PARD3B: variants seen among roughly 807,000 people sequenced by gnomAD.
PARD3B encodes partitioning defective 3 homolog B.
In PARD3B, 103 loss-of-function variants were observed where a neutral mutation model predicts 130.2. That is an observed-to-expected ratio of 0.79 (90% CI 0.67 to 0.93). The LOEUF (loss-of-function observed/expected upper bound fraction) is 0.93, where lower values mean the gene tolerates loss of function less well. Among genes scored for constraint, PARD3B ranks in the 40% least tolerant of loss-of-function variants. The pLI, the probability that PARD3B is intolerant of heterozygous loss-of-function variation, is 0.00. For synonymous variants in PARD3B, 583 were observed against 553.2 expected (o/e 1.05, Z -0.76); for missense variants, 1,609 against 1,499.2 (o/e 1.07, Z -1.21).
intron 2 of PARD3B, among the ~76,000 whole-genome samples, chr2:204,810,734 A>G (rs554556369): frequency 4.6e-5 from 7 of 151,994 alleles, no homozygotes; most frequent in Non-Finnish European, 1.0e-4. Context: ...GGATTTTTAC[A>G]TCAATGCTTA....
intron 18 of PARD3B, chr2:205,347,967 A>G: frequency 6.6e-6 from 1 of 152,358 alleles, no homozygotes; most frequent in Non-Finnish European, 1.5e-5. Flanking sequence ...GATTAGGCAG[A>G]GAGCCCTCAA....
Position 205,470,180 on chromosome 2 carries a change from A to G in PARD3B, c.3044+29508A>G, listed in dbSNP as rs1346011910. 6.6e-6 allele frequency among the ~76,000 whole-genome samples: 1 copy of G among 152,144 alleles called. No individual in the cohort carries two copies. The highest frequency in any genetic ancestry group is 1.5e-5 in the Non-Finnish European group (1 of 68,026). ...AAATTATATGGTTCTGCAATTCTTT[A>G]ATGGAAGCAAAATAGGAGTTCAGGT... On this transcript the variant is annotated intron_variant, in intron 20 of 22. Coordinates refer to ENST00000406610, the MANE Select transcript of PARD3B (RefSeq NM_001302769.2). The surrounding 1 kb of genome is among the most constrained non-coding windows in gnomAD (Gnocchi z 4.8).
At chr2:205,084,915 G>A (rs1701652931) in intron 4 of PARD3B, among the ~76,000 whole-genome samples, 1 of 151,692 alleles carries the variant, frequency 6.6e-6, no homozygotes, top group African/African-American at 2.4e-5. Flanking sequence ...TATGTTTCAT[G>A]TATGCCTTTG....
At chr2:205,261,160 T>C (rs1352352910) in intron 16 of PARD3B, among the ~76,000 whole-genome samples, 1 of 152,166 alleles carries the variant, frequency 6.6e-6, no homozygotes, top group Non-Finnish European at 1.5e-5. Context: ...ATTTGTGGCA[T>C]GTGAGGTCAT....
chr2:204,604,608 C>T (rs1394940814), intron 1 of PARD3B, among the ~76,000 whole-genome samples: 1 of 152,070 alleles, frequency 6.6e-6, no homozygotes, highest in Admixed American at 6.6e-5. Context: ...TAAGAAGCAC[C>T]TGCATGGTAG....
At position 205,281,561 on chromosome 2, in the gene PARD3B, C is replaced by G. The variant is rs6705611; in HGVS notation, c.2186-18969C>G. Among the ~76,000 whole-genome samples the G allele has an allele frequency of 0.025, 3,870 of 152,248 alleles. 94 individuals are homozygous for G. Among genetic ancestry groups the G allele is most frequent in the African/African-American group, 0.06 (2,482 of 41,534 alleles). On this transcript the variant is annotated intron_variant, in intron 16 of 22. Coordinates refer to ENST00000406610, the MANE Select transcript of PARD3B (RefSeq NM_001302769.2). This position sits in a 1 kb window ranked among gnomAD's most constrained non-coding sequence, Gnocchi z 4.2. ...TGCAATTGTAACAAACCAGGAAATC[C>G]ACTTTTTTTCCTAAGTTGGGAAAAT... is the stretch of plus-strand genomic sequence containing the variant.
At chr2:204,611,084 CT>C (rs2033905151) in intron 1 of PARD3B, among the ~76,000 whole-genome samples, 1 of 152,092 alleles carries the variant, frequency 6.6e-6, no homozygotes, top group Non-Finnish European at 1.5e-5. Flanking sequence ...CTTGTTCATA[CT>C]TTGATGTTTT....
At chr2:205,453,443 G>A (rs992540957) in intron 20 of PARD3B, among the ~76,000 whole-genome samples, 5 of 152,170 alleles carry the variant, frequency 3.3e-5, no homozygotes, top group Admixed American at 1.3e-4. Context: ...TTTAGCCCAA[G>A]GCAATGGGGA....
intron 1 of PARD3B, among the ~76,000 whole-genome samples, chr2:204,559,514 G>A (rs1450434954): frequency 6.6e-6 from 1 of 152,182 alleles, no homozygotes; most frequent in Non-Finnish European, 1.5e-5. Flanking sequence ...AGTTAGAATG[G>A]CATCATTAAA....
intron 14 of PARD3B, among the ~76,000 whole-genome samples, chr2:205,190,898 G>A (rs574858159): frequency 6.6e-6 from 1 of 151,998 alleles, no homozygotes; most frequent in African/African-American, 2.4e-5. Flanking sequence ...CTATAAAATG[G>A]GCTGAAAAAA....
chr2:205,036,366 T>TA (rs202216026), intron 3 of PARD3B, among the ~76,000 whole-genome samples: 13,518 of 138,854 alleles, frequency 0.097, 2,535 homozygotes, highest in Non-Finnish European at 0.14. Flanking sequence ...GCTATATATA[T>TA]AAAATATATA....
At chr2:204,928,655 T>C (rs1490856658) in intron 2 of PARD3B, among the ~76,000 whole-genome samples, 1 of 152,118 alleles carries the variant, frequency 6.6e-6, no homozygotes, top group Non-Finnish European at 1.5e-5. Context: ...GTGCCATAGT[T>C]GGGTGAAGAT....
chr2:205,194,959 T>G lies in PARD3B; in HGVS notation c.2140+1639T>G, dbSNP rs11691072. 9.9e-5 allele frequency among the ~76,000 whole-genome samples: 14 copies of G among 141,260 alleles called. No individual in the cohort carries two copies. In the East Asian group the frequency reaches 1.5e-3, roughly 15 times the overall value. The allele number at this position is 141,260 out of a possible 152,430, so 92.7% of individuals were successfully genotyped here. ...CCACCACGCCAGGCTAATTTTTTTT[T>G]TTTTTTTTTTTGTATTTTTAGTAGA... On this transcript the variant is annotated intron_variant, in intron 15 of 22. Coordinates refer to ENST00000406610, the MANE Select transcript of PARD3B (RefSeq NM_001302769.2).
chr2:204,985,278 CA>C (rs1232887390), intron 3 of PARD3B, among the ~76,000 whole-genome samples: 4 of 151,994 alleles, frequency 2.6e-5, no homozygotes, highest in Admixed American at 2.6e-4. Flanking sequence ...GCCCAAACAA[CA>C]AAACTGATTA....
intron 18 of PARD3B, among the ~76,000 whole-genome samples, chr2:205,371,822 T>A (rs2044830490): frequency 6.6e-6 from 1 of 152,158 alleles, no homozygotes; most frequent in African/African-American, 2.4e-5. Context: ...TTCAGGATAT[T>A]TTATCACCCT....
At chr2:205,306,737 A>G (rs2042195829) in intron 18 of PARD3B, among the ~76,000 whole-genome samples, 2 of 152,126 alleles carry the variant, frequency 1.3e-5, no homozygotes, top group African/African-American at 2.4e-5. Context: ...AAAAATAGCA[A>G]CTGTTTTCCA....
At chr2:204,655,500 T>G (rs2035610447) in intron 1 of PARD3B, among the ~76,000 whole-genome samples, 1 of 152,192 alleles carries the variant, frequency 6.6e-6, no homozygotes, top group African/African-American at 2.4e-5. Context: ...GCAAAAGTTT[T>G]AAGTGCCCTT....
intron 16 of PARD3B, among the ~76,000 whole-genome samples, chr2:205,251,765 A>G (rs1482279726): frequency 6.6e-6 from 1 of 152,164 alleles, no homozygotes; most frequent in African/African-American, 2.4e-5. Flanking sequence ...AAAATTTTCA[A>G]GTTAATGGTT....
chr2:204,654,850 C>T (rs2035591977), intron 1 of PARD3B, among the ~76,000 whole-genome samples: 1 of 152,026 alleles, frequency 6.6e-6, no homozygotes, highest in Non-Finnish European at 1.5e-5. Context: ...CAAGTTTATC[C>T]TCTAAAGAAA....
Sources: allele counts gnomAD v4.1 joint callset (sites outside exome capture counted in the v4.1 genomes callset), GRCh38; gene constraint gnomAD v4.1.1; non-coding constraint Gnocchi (gnomAD v3.1); transcripts MANE v1.5; gene names NCBI Gene and HGNC (gene_info 2026-07-23, HGNC 2026-07-21).